Variants in CMIP observed in about 807,000 individuals in gnomAD.
CMIP encodes C-Maf-inducing protein.
CMIP carries 13 observed loss-of-function variants against 97.3 expected under a neutral mutation model. The observed-to-expected ratio is 0.13, with a 90% CI of 0.09 to 0.21. The LOEUF (loss-of-function observed/expected upper bound fraction) is 0.21. Among genes scored for constraint, CMIP ranks in the 10% least tolerant of loss-of-function variants. The pLI, the probability that CMIP is intolerant of heterozygous loss-of-function variation, is 1.00. For synonymous variants in CMIP, 538 were observed against 436.3 expected (o/e 1.23, Z -2.91); for missense variants, 847 against 1,024.9 (o/e 0.83, Z 2.37).
At chr16:81,583,530 A>G (rs142768031) in intron 1 of CMIP, among the ~76,000 whole-genome samples, 197 of 152,336 alleles carry the variant, frequency 1.3e-3, no homozygotes, top group African/African-American at 4.5e-3. Context: ...CCAGCACTCA[A>G]TGAAACTTGT....
chr16:81,497,738 C>G (rs938259906), intron 1 of CMIP, among the ~76,000 whole-genome samples: 1 of 152,256 alleles, frequency 6.6e-6, no homozygotes, highest in African/African-American at 2.4e-5. Flanking sequence ...GCTCAGTGGC[C>G]TGGCCCTGCT....
chr16:81,513,610 G>A (rs551808863), intron 1 of CMIP, among the ~76,000 whole-genome samples: 52 of 152,324 alleles, frequency 3.4e-4, no homozygotes, highest in Non-Finnish European at 6.8e-4. Context: ...GCTGACTTGG[G>A]AACCCCCCGG....
intron 10 of CMIP, 49 bp from the exon 11 acceptor site, chr16:81,691,726 A>T: frequency 6.4e-7 from 1 of 1,553,972 alleles, no homozygotes; most frequent in Non-Finnish European, 8.9e-7. Context: ...CAGTGCCATA[A>T]ACCTTCCTTG....
At chr16:81,541,045 C>G (rs973895869) in intron 1 of CMIP, among the ~76,000 whole-genome samples, 6 of 151,644 alleles carry the variant, frequency 4.0e-5, no homozygotes, top group African/African-American at 1.5e-4. Flanking sequence ...TGCTGAACCC[C>G]TCTGTTAAGT....
chr16:81,522,197 G>A (rs2090041630), intron 1 of CMIP, among the ~76,000 whole-genome samples: 1 of 152,200 alleles, frequency 6.6e-6, no homozygotes, highest in South Asian at 2.1e-4. Context: ...ACGATGATCA[G>A]GAGCTCCCAT....
At chr16:81,696,417 G>A (rs1906724365) in intron 13 of CMIP, 143 bp from the exon 14 acceptor site, 2 of 773,280 alleles carry the variant, frequency 2.6e-6, no homozygotes, top group Non-Finnish European at 4.3e-6. Context: ...GGAAGGCTGG[G>A]GGTTGCTGGA....
rs530818856 is a variant in CMIP at position 81,615,567 on chromosome 16, G to A, written c.427-5309G>A. 6.8e-4 allele frequency among the ~76,000 whole-genome samples: 99 copies of A among 145,946 alleles called. 1 individual carries two copies. The highest frequency in any genetic ancestry group is 1.4e-3 in the African/African-American group (54 of 39,728). On this transcript the variant is annotated intron_variant, in intron 2 of 20. Coordinates refer to ENST00000537098, the MANE Select transcript of CMIP (RefSeq NM_198390.3). ...GTGTGCATGTGTAACTGTATGGTGC[G>A]TGTGTGTATAGTGTGTGTGTCTGTG...
chr16:81,591,938 C>G (rs2091472856), intron 1 of CMIP, among the ~76,000 whole-genome samples: 1 of 151,786 alleles, frequency 6.6e-6, no homozygotes, highest in South Asian at 2.1e-4. Flanking sequence ...ATCCTCCTGC[C>G]TCAGCCTCCC....
chr16:81,610,684 A>G (rs9927231), intron 2 of CMIP: 179,754 of 285,374 alleles, frequency 0.63, 57,669 homozygotes, highest in East Asian at 0.88. Flanking sequence ...CATGGGTGGT[A>G]TGTAGCTGGC....
intron 20 of CMIP, 35 bp downstream of exon 20, chr16:81,707,119 C>T (rs775935817): frequency 6.3e-7 from 1 of 1,579,796 alleles, no homozygotes; most frequent in East Asian, 2.2e-5. Flanking sequence ...CTCCTCCCCT[C>T]CTTCTTCTAG....
rs2092084231 is a variant in CMIP, at chr16:81,627,152, A to C, written c.477+6226A>C. ...TGGCATATGGGCCAACTATTTTATG[A>C]ATGTGTGTGTGTGTGGCCTGTAGGG... On this transcript the variant is annotated intron_variant, in intron 3 of 20. Transcript: ENST00000537098. The surrounding 1 kb of genome is among the most constrained non-coding windows in gnomAD (Gnocchi z 4.6). 1.6e-5 allele frequency among the ~76,000 whole-genome samples: 2 copies of C among 121,786 alleles called. No individual in the cohort carries two copies. 79.9% of individuals were successfully genotyped at this position (121,786 alleles called of 152,430 possible).
chr16:81,680,674 C>T (rs916831182), intron 10 of CMIP, among the ~76,000 whole-genome samples: 1 of 152,254 alleles, frequency 6.6e-6, no homozygotes, highest in African/African-American at 2.4e-5. Flanking sequence ...GAATACGTCA[C>T]AGCCCTGAGT....
At chr16:81,589,790 C>T (rs2091439351) in intron 1 of CMIP, among the ~76,000 whole-genome samples, 1 of 152,280 alleles carries the variant, frequency 6.6e-6, no homozygotes, top group African/African-American at 2.4e-5. Flanking sequence ...CTCTCTGTCC[C>T]TTCCTCCCTC....
chr16:81,707,446 G>A (rs1414589056), intron 20 of CMIP, among the ~76,000 whole-genome samples: 1 of 152,238 alleles, frequency 6.6e-6, no homozygotes, highest in Non-Finnish European at 1.5e-5. Context: ...ATGTAACCAG[G>A]AACTGAGAGA....
At chr16:81,633,572 C>A (rs1378067222) in intron 3 of CMIP, among the ~76,000 whole-genome samples, 1 of 152,202 alleles carries the variant, frequency 6.6e-6, no homozygotes, top group Non-Finnish European at 1.5e-5. Context: ...CGACTAGGGC[C>A]CTGAGGGCTG....
chr16:81,681,953 A>G (rs1454288266), intron 10 of CMIP, among the ~76,000 whole-genome samples: 2 of 152,184 alleles, frequency 1.3e-5, no homozygotes, highest in Non-Finnish European at 2.9e-5. Flanking sequence ...TCACGCCTGT[A>G]ATCCCAGCAC....
chr16:81,544,900 T>A (rs1357442786), intron 1 of CMIP, among the ~76,000 whole-genome samples: 1 of 152,138 alleles, frequency 6.6e-6, no homozygotes, highest in African/African-American at 2.4e-5. Flanking sequence ...TTAAAACCCT[T>A]CTGTTGTCCA....
intron 15 of CMIP, among the ~76,000 whole-genome samples, chr16:81,700,888 G>C (rs1223431683): frequency 6.6e-6 from 1 of 152,178 alleles, no homozygotes; most frequent in Non-Finnish European, 1.5e-5. Flanking sequence ...GCTGTCCTGT[G>C]ACAGGGATTC....
rs192605585 is a variant in CMIP at position 81,645,539 on chromosome 16, C to A, written c.478-6664C>A. On this transcript the variant is annotated intron_variant, in intron 3 of 20. Coordinates refer to ENST00000537098, the MANE Select transcript of CMIP (RefSeq NM_198390.3). ...GGCTCTGCTTTCCCTGGCCTGAGAACCCTGGCATATGTGCTTGCCTCTGCT... is the reference window on the plus strand; with the variant it reads ...GGCTCTGCTTTCCCTGGCCTGAGAAACCTGGCATATGTGCTTGCCTCTGCT... 2,586 of 1,536,042 alleles carry A rather than the reference C, an allele frequency of 1.7e-3. 96 individuals are homozygous for A. In the Admixed American group the frequency reaches 0.047, roughly 28 times the overall value.
Sources: gnomAD v4.1 joint callset for allele counts (sites outside exome capture counted in the v4.1 genomes callset) on GRCh38, gnomAD v4.1.1 for gene constraint, Gnocchi (gnomAD v3.1) non-coding constraint, MANE v1.5 for transcripts, NCBI Gene and HGNC (gene_info 2026-07-23, HGNC 2026-07-21) for gene names.